The following PPM1E variants were observed in gnomAD, a reference collection of about 807,000 sequenced individuals.
PPM1E encodes protein phosphatase 1E.
PPM1E carries 20 observed loss-of-function variants against 65.9 expected under a neutral mutation model. The observed-to-expected ratio is 0.30, with a 90% CI of 0.21 to 0.44. PPM1E has a LOEUF of 0.44. Ranked by LOEUF, PPM1E falls within the 20% of genes least tolerant of loss-of-function variation. The pLI is 1.00. For missense variants in PPM1E, 713 were observed against 953.1 expected (o/e 0.75, Z 3.32); for synonymous variants, 352 against 374.9 (o/e 0.94, Z 0.70).
rs183552278 is a variant in PPM1E at position 58,817,140 on chromosome 17, A to G, written c.464+60679A>G. ...ACTGAATAATTTCAATTGTATGTCT[A>G]TACCACATTTGATTTATCCATTTAT... On this transcript the variant is annotated intron_variant, in intron 1 of 6. Transcript: ENST00000308249. Among the ~76,000 whole-genome samples the G allele has an allele frequency of 1.3e-3, 202 of 152,234 alleles. 1 individual carries two copies. Among genetic ancestry groups the G allele is most frequent in the Admixed American group, 9.2e-3 (140 of 15,284 alleles).
intron 1 of PPM1E, among the ~76,000 whole-genome samples, chr17:58,913,981 C>G (rs1295554591): frequency 6.6e-6 from 1 of 152,150 alleles, no homozygotes; most frequent in African/African-American, 2.4e-5. Flanking sequence ...GTGTTATCAT[C>G]TTTGTTTTAA....
At chr17:58,834,131 G>T (rs1191135774) in intron 1 of PPM1E, among the ~76,000 whole-genome samples, 4 of 152,068 alleles carry the variant, frequency 2.6e-5, no homozygotes, top group East Asian at 1.9e-4. Context: ...TAGATGTAGG[G>T]TTTTTTGTTT....
At chr17:58,875,751 A>T (rs1229925037) in intron 1 of PPM1E, among the ~76,000 whole-genome samples, 2 of 152,162 alleles carry the variant, frequency 1.3e-5, no homozygotes, top group Non-Finnish European at 2.9e-5. Flanking sequence ...AGGTACTGTA[A>T]TTAAGTCTGT....
Position 58,982,830 on chromosome 17 carries a change from C to T in PPM1E, c.*1799C>T. On this transcript the variant is annotated 3_prime_UTR_variant, in exon 7 of 7. Coordinates refer to ENST00000308249, the MANE Select transcript of PPM1E (RefSeq NM_014906.5). Reference sequence around the variant, plus strand: ...ACCTTTTCATCATTCTGAGGCTTTGCCCCACACATGGTCCTCACTCATATC... The same window carrying T: ...ACCTTTTCATCATTCTGAGGCTTTGTCCCACACATGGTCCTCACTCATATC... 1 of 1,343,724 alleles carries T rather than the reference C, an allele frequency of 7.4e-7. No homozygotes were observed. 83.2% of individuals were successfully genotyped at this position (1,343,724 alleles called of 1,614,324 possible).
chr17:58,973,373 C>T (rs545597803), intron 6 of PPM1E, among the ~76,000 whole-genome samples: 20 of 149,912 alleles, frequency 1.3e-4, no homozygotes, highest in Admixed American at 2.7e-4. Context: ...GTGGAGATCG[C>T]GCCATTGCAC....
At position 58,983,590 on chromosome 17, in the gene PPM1E, G is replaced by T. The variant is rs939735563; in HGVS notation, c.*2559G>T. ...TCTGTAACTTGTATTTAATGATGGTGTACCTGGTGATTGTAAAAATATTAG... is the reference window on the plus strand; with the variant it reads ...TCTGTAACTTGTATTTAATGATGGTTTACCTGGTGATTGTAAAAATATTAG... On this transcript the variant is annotated 3_prime_UTR_variant, in exon 7 of 7. Transcript: ENST00000308249. The T allele has an allele frequency of 1.3e-5, 2 of 152,568 alleles. No individual in the cohort carries two copies. The highest frequency in any genetic ancestry group is 4.8e-5 in the African/African-American group (2 of 41,426). 9.5% of individuals were successfully genotyped at this position (152,568 alleles called of 1,614,324 possible).
intron 1 of PPM1E, among the ~76,000 whole-genome samples, chr17:58,862,353 T>C (rs1196973721): frequency 6.6e-6 from 1 of 152,088 alleles, no homozygotes; most frequent in Non-Finnish European, 1.5e-5. Flanking sequence ...TGTTGGAAAA[T>C]AGGTTAGATT....
intron 1 of PPM1E, among the ~76,000 whole-genome samples, chr17:58,781,164 G>A (rs908443561): frequency 9.1e-5 from 13 of 142,284 alleles, no homozygotes; most frequent in East Asian, 2.1e-4. Flanking sequence ...TTTTTGAAAC[G>A]GAGTCTTTCT....
chr17:58,826,688 C>T (rs578084069), intron 1 of PPM1E, among the ~76,000 whole-genome samples: 3 of 152,208 alleles, frequency 2.0e-5, no homozygotes, highest in African/African-American at 7.2e-5. Flanking sequence ...TGCAGTGCCA[C>T]GATCTTGGCT....
At chr17:58,967,260 G>A (rs984058328) in intron 3 of PPM1E, among the ~76,000 whole-genome samples, 4 of 151,930 alleles carry the variant, frequency 2.6e-5, no homozygotes, top group Non-Finnish European at 5.9e-5. Flanking sequence ...AAAAGTCTTA[G>A]GCATGTGTTT....
At chr17:58,859,019 A>G (rs1292240469) in intron 1 of PPM1E, among the ~76,000 whole-genome samples, 1 of 152,250 alleles carries the variant, frequency 6.6e-6, no homozygotes, top group Non-Finnish European at 1.5e-5. Context: ...CGTTTATTCA[A>G]GTGCGAAACT....
At chr17:58,892,097 A>C (rs1228284236) in intron 1 of PPM1E, among the ~76,000 whole-genome samples, 1 of 151,936 alleles carries the variant, frequency 6.6e-6, no homozygotes, top group African/African-American at 2.4e-5. Context: ...TGGCCTCCCA[A>C]AGTGCTGGGA....
At chr17:58,846,103 T>A (rs1448430450) in intron 1 of PPM1E, among the ~76,000 whole-genome samples, 1 of 152,220 alleles carries the variant, frequency 6.6e-6, no homozygotes, top group African/African-American at 2.4e-5. Context: ...CTGTGAATAA[T>A]GCTGCTATGA....
At chr17:58,851,076 A>G (rs2050821524) in intron 1 of PPM1E, among the ~76,000 whole-genome samples, 1 of 152,156 alleles carries the variant, frequency 6.6e-6, no homozygotes, top group Admixed American at 6.5e-5. Context: ...TCGGCTACCG[A>G]AGCTTGTGCA....
chr17:58,969,667 G>A lies in PPM1E; in HGVS notation c.912G>A (p.Glu304=), dbSNP rs2030470093. ...AGATGTTCCCCCATGATCCTGCTGA[G>A]GCCCTGTGCAGGGCCTTCCGGGTCA... is the stretch of plus-strand genomic sequence containing the variant. The part of the protein sequence containing the change: ...RQEMFPHDPA[E]ALCRAFRVTD... The change falls in exon 4 of 7, where the codon GAG becomes GAA. Residue 304 remains glutamate, a synonymous_variant. Coordinates refer to ENST00000308249, the MANE Select transcript of PPM1E (RefSeq NM_014906.5). The A allele has an allele frequency of 6.2e-7, 1 of 1,614,174 alleles. No homozygotes were observed. Among genetic ancestry groups the A allele is most frequent in the Non-Finnish European group, 8.5e-7 (1 of 1,180,030 alleles).
chr17:58,912,774 T>C (rs2051642357), intron 1 of PPM1E, among the ~76,000 whole-genome samples: 1 of 152,200 alleles, frequency 6.6e-6, no homozygotes, highest in African/African-American at 2.4e-5. Flanking sequence ...CTTTCAGTCA[T>C]ACTTCCTTCA....
At chr17:58,851,317 CT>C (rs1475566073) in intron 1 of PPM1E, among the ~76,000 whole-genome samples, 1 of 152,224 alleles carries the variant, frequency 6.6e-6, no homozygotes, top group Non-Finnish European at 1.5e-5. Flanking sequence ...TGTTCTGTTG[CT>C]GACGAGGAGC....
At chr17:58,768,796 A>G (rs2049907596) in intron 1 of PPM1E, among the ~76,000 whole-genome samples, 2 of 152,092 alleles carry the variant, frequency 1.3e-5, no homozygotes, top group Admixed American at 1.3e-4. Context: ...CAGCCTCCCA[A>G]GTAGCTGGGA....
At chr17:58,876,097 T>A (rs964706369) in intron 1 of PPM1E, among the ~76,000 whole-genome samples, 1 of 152,194 alleles carries the variant, frequency 6.6e-6, no homozygotes, top group African/African-American at 2.4e-5. Flanking sequence ...TAATTTTTTC[T>A]TTGCATCTAA....
Sources: gnomAD v4.1 joint callset for allele counts (sites outside exome capture counted in the v4.1 genomes callset) on GRCh38, gnomAD v4.1.1 for gene constraint, MANE v1.5 for transcripts, NCBI Gene and HGNC (gene_info 2026-07-23, HGNC 2026-07-21) for gene names.